Variants in TAFA4 observed in about 807,000 individuals in gnomAD.
TAFA4 encodes TAFA chemokine like family member 4.
Under a neutral mutation model 21.1 loss-of-function variants are expected in TAFA4, and 20 were observed. The ratio of observed to expected loss-of-function variants is 0.95; its 90% CI spans 0.67 to 1.38. The LOEUF is 1.38. Among genes scored for constraint, TAFA4 ranks in the 40% most tolerant of loss-of-function variants. TAFA4 has a pLI of 0.00. For missense variants in TAFA4, 211 were observed against 180.9 expected (o/e 1.17, Z -0.95); for synonymous variants, 71 against 67.4 (o/e 1.05, Z -0.26).
chr3:68,819,223 T>C lies in TAFA4; in HGVS notation c.130+61507A>G, dbSNP rs112670146. On this transcript the variant is annotated intron_variant, in intron 3 of 5. Coordinates refer to ENST00000295569, the MANE Select transcript of TAFA4 (RefSeq NM_182522.5). ...AGGCGGAGGTTGCAGTGAGCTGAAA[T>C]TGCACTACTGCACACCTGCCTGGGT... is the stretch of plus-strand genomic sequence containing the variant. Among the ~76,000 whole-genome samples the C allele has an allele frequency of 8.7e-3, 1,267 of 144,876 alleles. 21 individuals carry two copies. The highest frequency in any genetic ancestry group is 0.031 in the African/African-American group (1,199 of 38,618).
intron 1 of TAFA4, among the ~76,000 whole-genome samples, chr3:68,894,535 G>A (rs1327557064): frequency 3.3e-5 from 5 of 152,192 alleles, no homozygotes; most frequent in Non-Finnish European, 5.9e-5. Flanking sequence ...CAGCCTGTGT[G>A]TACTGAAAGC....
At chr3:68,815,129 G>C (rs1338722302) in intron 3 of TAFA4, among the ~76,000 whole-genome samples, 3 of 152,174 alleles carry the variant, frequency 2.0e-5, no homozygotes, top group Non-Finnish European at 4.4e-5. Flanking sequence ...AGCTGAAACT[G>C]GATCCCTTCC....
intron 3 of TAFA4, among the ~76,000 whole-genome samples, chr3:68,813,462 C>T (rs1461275278): frequency 6.6e-6 from 1 of 152,072 alleles, no homozygotes; most frequent in Non-Finnish European, 1.5e-5. Context: ...CAAATAGACA[C>T]AATAAAAAAT....
chr3:68,835,724 C>A (rs905889485), intron 3 of TAFA4, among the ~76,000 whole-genome samples: 2 of 152,186 alleles, frequency 1.3e-5, no homozygotes, highest in African/African-American at 4.8e-5. Context: ...TCACTGGGGG[C>A]AAGAATGCTT....
intron 3 of TAFA4, among the ~76,000 whole-genome samples, chr3:68,799,871 G>A (rs938585752): frequency 5.3e-5 from 8 of 152,216 alleles, no homozygotes; most frequent in South Asian, 2.1e-4. Context: ...ATTTACAGCC[G>A]CTCCCCATCA....
chr3:68,799,129 G>A (rs564152636), intron 3 of TAFA4, among the ~76,000 whole-genome samples: 14 of 152,124 alleles, frequency 9.2e-5, no homozygotes, highest in East Asian at 1.9e-4. Flanking sequence ...AGATGTTCAC[G>A]TCCTAATTCC....
chr3:68,733,022 A>G lies in TAFA4; in HGVS notation c.*120T>C. 1 of 1,343,622 alleles carries G rather than the reference A, an allele frequency of 7.4e-7. No individual in the cohort carries two copies. Among genetic ancestry groups the G allele is most frequent in the Non-Finnish European group, 1.0e-6 (1 of 959,454 alleles). The allele number at this position is 1,343,622 out of a possible 1,614,324, so 83.2% of individuals were successfully genotyped here. A position where few individuals can be genotyped will look rare whatever the true frequency, so the allele number is the denominator to read the frequency against. ...ATGCCACCTCTCACAGCTCACATAT[A>G]CAAATATGAAGTTGCTGAAATCCTA... On this transcript the variant is annotated 3_prime_UTR_variant, in exon 6 of 6. Transcript: ENST00000295569.
chr3:68,892,882 C>A (rs2089744212), intron 1 of TAFA4, among the ~76,000 whole-genome samples: 1 of 152,214 alleles, frequency 6.6e-6, no homozygotes, highest in Admixed American at 6.5e-5. Context: ...ATCCAGTATA[C>A]ATAAAACTGA....
At chr3:68,744,265 C>T (rs1238732254) in intron 4 of TAFA4, among the ~76,000 whole-genome samples, 6 of 152,118 alleles carry the variant, frequency 3.9e-5, no homozygotes, top group Admixed American at 6.5e-5. Flanking sequence ...AGCCAGCAGA[C>T]GCATGTGGCT....
chr3:68,807,288 T>C (rs1025114214), intron 3 of TAFA4, among the ~76,000 whole-genome samples: 1 of 152,152 alleles, frequency 6.6e-6, no homozygotes, highest in African/African-American at 2.4e-5. Flanking sequence ...CAATTAGCAA[T>C]AGAAGCTGAA....
At chr3:68,805,343 T>G (rs896063482) in intron 3 of TAFA4, among the ~76,000 whole-genome samples, 13 of 152,200 alleles carry the variant, frequency 8.5e-5, no homozygotes, top group South Asian at 4.1e-4. Flanking sequence ...GGAACACTTT[T>G]ACACTGTTGG....
In TAFA4 at chr3:68,881,653, G is replaced by A. The variant is rs150179167; in HGVS notation, c.15-808C>T. On this transcript the variant is annotated intron_variant, in intron 2 of 5. Transcript: ENST00000295569. Reference sequence around the variant, plus strand: ...CACCGCATTTGGCATCTGAAATTCCGGTGCTAATAGGTTCTTCCTTACACA... The same window carrying A: ...CACCGCATTTGGCATCTGAAATTCCAGTGCTAATAGGTTCTTCCTTACACA... Among the ~76,000 whole-genome samples the A allele has an allele frequency of 5.0e-3, 756 of 152,156 alleles. 7 individuals are homozygous for A. The highest frequency in any genetic ancestry group is 0.017 in the African/African-American group (705 of 41,484).
chr3:68,886,502 C>A (rs2089673507), intron 1 of TAFA4, among the ~76,000 whole-genome samples: 1 of 152,184 alleles, frequency 6.6e-6, no homozygotes, highest in Admixed American at 6.5e-5. Context: ...CAGAACTCAT[C>A]ATAATGAACT....
chr3:68,802,992 C>T (rs1427889105), intron 3 of TAFA4, among the ~76,000 whole-genome samples: 1 of 152,216 alleles, frequency 6.6e-6, no homozygotes, highest in Non-Finnish European at 1.5e-5. Context: ...CAAGAGAGAA[C>T]TCTCAGAAGA....
intron 3 of TAFA4, among the ~76,000 whole-genome samples, chr3:68,812,370 A>C (rs926714038): frequency 1.3e-5 from 2 of 152,240 alleles, no homozygotes; most frequent in Non-Finnish European, 2.9e-5. Context: ...ATTAAAAGAC[A>C]CAGACTGGCA....
chr3:68,885,415 G>A (rs2106957294), intron 1 of TAFA4, 105 bp from the exon 2 acceptor site: 1 of 536,532 alleles, frequency 1.9e-6, no homozygotes, highest in East Asian at 3.1e-5. Context: ...CATGACACCT[G>A]CAGTTTCAGG....
intron 1 of TAFA4, among the ~76,000 whole-genome samples, chr3:68,907,280 A>G (rs1449467777): frequency 6.6e-6 from 1 of 152,170 alleles, no homozygotes; most frequent in Non-Finnish European, 1.5e-5. Context: ...AGGCAAAGAT[A>G]TGCACCAACT....
chr3:68,930,044 A>G (rs2090144696), intron 1 of TAFA4, among the ~76,000 whole-genome samples: 1 of 152,218 alleles, frequency 6.6e-6, no homozygotes, highest in Admixed American at 6.5e-5. Context: ...AAGTGTAACA[A>G]TAAATGAGTG....
At chr3:68,739,040 CTTGTAAA>C in intron 5 of TAFA4, 28 bp downstream of exon 5, 1 of 1,610,122 alleles carries the variant, frequency 6.2e-7, no homozygotes. Flanking sequence ...CAGTTGATAA[CTTGTAAA>C]TTGTAGTTGC....
Sources: gnomAD v4.1 joint callset for allele counts (sites outside exome capture counted in the v4.1 genomes callset) on GRCh38, gnomAD v4.1.1 for gene constraint, MANE v1.5 for transcripts, NCBI Gene and HGNC (gene_info 2026-07-23, HGNC 2026-07-21) for gene names.